NXPE2: variants seen among roughly 807,000 people sequenced by gnomAD.
NXPE2 encodes NXPE family member 2.
A neutral mutation model predicts 34.4 loss-of-function variants in NXPE2; 34 were observed. That is an observed-to-expected ratio of 0.99 (90% CI 0.75 to 1.31). NXPE2 has a LOEUF of 1.31. Among genes scored for constraint, NXPE2 ranks in the 40% most tolerant of loss-of-function variants. NXPE2 has a pLI of 0.00. For synonymous variants in NXPE2, 235 were observed against 231.3 expected (o/e 1.02, Z -0.15); for missense variants, 649 against 672.5 (o/e 0.97, Z 0.39).
chr11:114,805,237 C>T, the NXPE2 span, among the ~76,000 whole-genome samples: 1 of 150,558 alleles, frequency 6.6e-6, no homozygotes, highest in Non-Finnish European at 1.5e-5. Flanking sequence ...AGGAACAGCT[C>T]TGGTCTACAG....
the NXPE2 span, among the ~76,000 whole-genome samples, chr11:114,723,962 T>A: frequency 6.6e-6 from 1 of 152,200 alleles, no homozygotes; most frequent in African/African-American, 2.4e-5. Context: ...AGCTGTCATC[T>A]CTGTGTACCT....
chr11:114,586,715 C>T, the NXPE2 span, among the ~76,000 whole-genome samples: 1 of 152,202 alleles, frequency 6.6e-6, no homozygotes, highest in African/African-American at 2.4e-5. Flanking sequence ...CTAATTCCAG[C>T]CTCCAACAGC....
At chr11:114,735,128 T>TAATAAC in the NXPE2 span, among the ~76,000 whole-genome samples, 2 of 151,958 alleles carry the variant, frequency 1.3e-5, no homozygotes, top group African/African-American at 4.8e-5. Context: ...ATAATAATAA[T>TAATAAC]AATAACCATT....
chr11:114,589,318 C>T, the NXPE2 span, among the ~76,000 whole-genome samples: 1 of 152,092 alleles, frequency 6.6e-6, no homozygotes, highest in East Asian at 1.9e-4. Flanking sequence ...CACAGGAGGC[C>T]CAGGTAATTC....
the NXPE2 span, among the ~76,000 whole-genome samples, chr11:114,635,171 T>G: frequency 1.5e-4 from 22 of 150,292 alleles, no homozygotes; most frequent in Admixed American, 1.4e-3. Context: ...CCTTGAAGAG[T>G]TCCTTCACGT....
chr11:114,611,324 A>T, the NXPE2 span, among the ~76,000 whole-genome samples: 1 of 151,138 alleles, frequency 6.6e-6, no homozygotes, highest in African/African-American at 2.4e-5. Flanking sequence ...TACCCAGTGG[A>T]TAATAAGTAT....
the NXPE2 span, among the ~76,000 whole-genome samples, chr11:114,752,112 A>G: frequency 1.3e-5 from 2 of 152,256 alleles, no homozygotes; most frequent in Non-Finnish European, 1.5e-5. Context: ...GAACAATAAC[A>G]TTTGAAGGAA....
At chr11:114,582,300 C>A in the NXPE2 span, 1 of 1,574,396 alleles carries the variant, frequency 6.4e-7, no homozygotes, top group African/African-American at 1.4e-5. Context: ...TTCAAAGAGG[C>A]TCTTTTCTTG....
At chr11:114,674,435 A>G (rs1276373967), upstream of NXPE2, among the ~76,000 whole-genome samples, 1 of 151,832 alleles carries the variant, frequency 6.6e-6, no homozygotes, top group Non-Finnish European at 1.5e-5. Context: ...AGAGAATCCT[A>G]TTGTATGTGG....
intron 2 of NXPE2, 129 bp from the exon 3 acceptor site, chr11:114,697,916 C>A: frequency 6.7e-6 from 6 of 896,466 alleles, no homozygotes; most frequent in South Asian, 2.5e-5. Context: ...AACTGAAAAC[C>A]AGTTAGTATC....
the NXPE2 span, among the ~76,000 whole-genome samples, chr11:114,577,112 C>T: frequency 1.5e-5 from 2 of 130,162 alleles, no homozygotes; most frequent in South Asian, 2.5e-4. Flanking sequence ...TATATATATA[C>T]ACATATATAT....
chr11:114,530,468 C>A, the NXPE2 span: 1 of 1,614,222 alleles, frequency 6.2e-7, no homozygotes, highest in South Asian at 1.1e-5. Flanking sequence ...GGATGAGCAG[C>A]AGAGACAGGG....
chr11:114,475,007 A>G, the NXPE2 span, among the ~76,000 whole-genome samples: 16 of 152,206 alleles, frequency 1.1e-4, no homozygotes, highest in Non-Finnish European at 2.4e-4. Flanking sequence ...ACTAATATTT[A>G]TAGTACACTG....
the NXPE2 span, among the ~76,000 whole-genome samples, chr11:114,506,063 G>A: frequency 6.6e-6 from 1 of 150,774 alleles, no homozygotes; most frequent in African/African-American, 2.4e-5. Context: ...AAAAAAGCAG[G>A]GGTTGCAGTC....
the NXPE2 span, among the ~76,000 whole-genome samples, chr11:114,761,369 G>A: frequency 6.6e-6 from 1 of 152,186 alleles, no homozygotes; most frequent in African/African-American, 2.4e-5. Flanking sequence ...AACCTACGAT[G>A]GTGTTTTATT....
the NXPE2 span, among the ~76,000 whole-genome samples, chr11:114,546,478 T>C: frequency 2.0e-5 from 3 of 151,768 alleles, no homozygotes; most frequent in South Asian, 6.2e-4. Flanking sequence ...TTTCTTTTTT[T>C]TTTTTTAGAG....
At chr11:114,537,700 A>G in the NXPE2 span, among the ~76,000 whole-genome samples, 12 of 152,102 alleles carry the variant, frequency 7.9e-5, no homozygotes, top group Admixed American at 5.2e-4. Context: ...AAGAGAATAA[A>G]ATACCTAGGA....
chr11:114,758,884 G>T, the NXPE2 span, among the ~76,000 whole-genome samples: 5 of 146,734 alleles, frequency 3.4e-5, no homozygotes, highest in Non-Finnish European at 7.5e-5. Context: ...AAATATAAAC[G>T]TATATAAATT....
chr11:114,624,226 T>A, the NXPE2 span, among the ~76,000 whole-genome samples: 1 of 151,788 alleles, frequency 6.6e-6, no homozygotes, highest in African/African-American at 2.4e-5. Context: ...GGATGACAGA[T>A]GTTTCCTCTA....
Sources: gnomAD v4.1 joint callset for allele counts (sites outside exome capture counted in the v4.1 genomes callset) on GRCh38, gnomAD v4.1.1 for gene constraint, MANE v1.5 for transcripts, NCBI Gene and HGNC (gene_info 2026-07-23, HGNC 2026-07-21) for gene names.